Variants in UNC5C observed in about 807,000 individuals in gnomAD.
UNC5C encodes netrin receptor UNC5C.
A neutral mutation model predicts 99.8 loss-of-function variants in UNC5C; 47 were observed. The observed-to-expected ratio is 0.47, with a 90% confidence interval of 0.37 to 0.60. UNC5C has a LOEUF of 0.60. Ranked by LOEUF, UNC5C falls within the 20% of genes least tolerant of loss-of-function variation. The pLI, the probability that UNC5C is intolerant of heterozygous loss-of-function variation, is 0.00. For missense variants in UNC5C, 1,062 were observed against 1,165.9 expected (o/e 0.91, Z 1.30); for synonymous variants, 487 against 452.2 (o/e 1.08, Z -0.98).
chr4:95,186,908 C>T (rs572858179), intron 12 of UNC5C, among the ~76,000 whole-genome samples: 9 of 152,218 alleles, frequency 5.9e-5, no homozygotes, highest in African/African-American at 2.2e-4. Flanking sequence ...CAGCAGGCTC[C>T]GAGGGTCTCC....
intron 1 of UNC5C, among the ~76,000 whole-genome samples, chr4:95,453,884 A>G (rs143159924): frequency 6.0e-4 from 92 of 152,280 alleles, no homozygotes; most frequent in African/African-American, 1.9e-3. Context: ...AAAATGAGGC[A>G]TACAATCAAT....
chr4:95,425,829 T>A (rs1392488187), intron 1 of UNC5C, among the ~76,000 whole-genome samples: 1 of 152,258 alleles, frequency 6.6e-6, no homozygotes, highest in East Asian at 1.9e-4. Flanking sequence ...ATTGTGCACA[T>A]TTATTCATAC....
At chr4:95,529,357 T>A (rs975677796) in intron 1 of UNC5C, among the ~76,000 whole-genome samples, 1 of 147,892 alleles carries the variant, frequency 6.8e-6, no homozygotes, top group African/African-American at 2.5e-5. Flanking sequence ...TATATATATA[T>A]TATATATATA....
chr4:95,216,055 T>C, intron 10 of UNC5C, 69 bp downstream of exon 10: 1 of 1,332,398 alleles, frequency 7.5e-7, no homozygotes, highest in East Asian at 2.4e-5. Flanking sequence ...GGGTTTATTG[T>C]GTCTATTGTA....
chr4:95,245,255 C>A, intron 5 of UNC5C, 111 bp from the exon 6 acceptor site: 2 of 1,283,966 alleles, frequency 1.6e-6, no homozygotes, highest in South Asian at 1.7e-5. Flanking sequence ...TCCAAGCGAC[C>A]ATTATAAAAA....
At chr4:95,477,199 G>C (rs1720946722) in intron 1 of UNC5C, among the ~76,000 whole-genome samples, 1 of 151,988 alleles carries the variant, frequency 6.6e-6, no homozygotes, top group Non-Finnish European at 1.5e-5. Flanking sequence ...GTTCCCTCTT[G>C]AGGTCCTGTT....
rs1485324650 is a variant in UNC5C, at chr4:95,351,451, A to C, written c.125-15820T>G. On this transcript the variant is annotated intron_variant, in intron 1 of 15. Coordinates refer to ENST00000453304, the MANE Select transcript of UNC5C (RefSeq NM_003728.4). ...AACTTTGGAAGAAATCCTTGTACAA[A>C]ATAAAACAGAAATGTGCATATTTAA... Among the ~76,000 whole-genome samples, 8 of 152,084 alleles carry C rather than the reference A, an allele frequency of 5.3e-5. No individual in the cohort carries two copies. The East Asian group carries it at 1.5e-3, about 29-fold the overall frequency.
chr4:95,529,205 C>T (rs184377336), intron 1 of UNC5C, among the ~76,000 whole-genome samples: 43 of 150,434 alleles, frequency 2.9e-4, no homozygotes, highest in Non-Finnish European at 4.7e-4. Flanking sequence ...TTCATCTCAG[C>T]TGTACTGATT....
chr4:95,164,571 T>TA lies in UNC5C; in HGVS notation c.*4662dup, dbSNP rs1030424788. On this transcript the variant is annotated 3_prime_UTR_variant, in exon 16 of 16. Transcript: ENST00000453304. ...TTGGTCCTATGAGGCACTCGAGAGG[T>TA]AAAAAAATGTTTTGTTAACTTGAGA... The TA allele has an allele frequency of 2.0e-5, 3 of 152,146 alleles. No individual in the cohort carries two copies. Among genetic ancestry groups the TA allele is most frequent in the Non-Finnish European group, 4.4e-5 (3 of 68,024 alleles). The allele number at this position is 152,146 out of a possible 1,614,324, so 9.4% of individuals were successfully genotyped here.
chr4:95,443,414 A>G (rs918477411), intron 1 of UNC5C, among the ~76,000 whole-genome samples: 5 of 152,194 alleles, frequency 3.3e-5, no homozygotes, highest in African/African-American at 1.2e-4. Context: ...TATGTTAAAT[A>G]CTATTTCTTT....
Position 95,500,880 on chromosome 4 carries a change from G to A in UNC5C, c.124+47854C>T, listed in dbSNP as rs182308210. Among the ~76,000 whole-genome samples the A allele has an allele frequency of 1.2e-4, 18 of 152,174 alleles. No individual in the cohort carries two copies. In the East Asian group the frequency reaches 2.3e-3, roughly 20 times the overall value. ...TTGATTGGGTTTATGTACAAATACC[G>A]TATATTTTTTCCCTTGGGCATATCA... On this transcript the variant is annotated intron_variant, in intron 1 of 15. Transcript: ENST00000453304.
chr4:95,545,978 A>G (rs1246124356), intron 1 of UNC5C, among the ~76,000 whole-genome samples: 2 of 152,220 alleles, frequency 1.3e-5, no homozygotes, highest in East Asian at 1.9e-4. Context: ...CCTAAACCAC[A>G]GTTACAAAAC....
At chr4:95,420,984 TG>T (rs1216505896) in intron 1 of UNC5C, among the ~76,000 whole-genome samples, 2 of 152,158 alleles carry the variant, frequency 1.3e-5, no homozygotes, top group Non-Finnish European at 2.9e-5. Context: ...ATTTAAAATT[TG>T]GGACCTGTTC....
chr4:95,450,774 A>C (rs1426311597), intron 1 of UNC5C, among the ~76,000 whole-genome samples: 1 of 152,246 alleles, frequency 6.6e-6, no homozygotes, highest in East Asian at 1.9e-4. Context: ...TAAAATGTTT[A>C]CATAGATATC....
chr4:95,337,042 TC>T (rs1337275861), intron 1 of UNC5C, among the ~76,000 whole-genome samples: 1 of 151,944 alleles, frequency 6.6e-6, no homozygotes, highest in Admixed American at 6.6e-5. Flanking sequence ...TATTGACAAA[TC>T]CATCAGCATG....
intron 12 of UNC5C, among the ~76,000 whole-genome samples, chr4:95,202,175 T>C (rs761054281): frequency 6.6e-6 from 1 of 152,204 alleles, no homozygotes; most frequent in Non-Finnish European, 1.5e-5. Context: ...TTCCTCCTTC[T>C]ATATCATAAG....
intron 1 of UNC5C, among the ~76,000 whole-genome samples, chr4:95,374,375 A>G (rs980453623): frequency 1.6e-4 from 24 of 152,142 alleles, no homozygotes; most frequent in Non-Finnish European, 1.5e-5. Context: ...AAGTGCTTTG[A>G]GTGTCACGGG....
At chr4:95,203,729 G>T (rs745616600) in intron 11 of UNC5C, among the ~76,000 whole-genome samples, 9 of 152,158 alleles carry the variant, frequency 5.9e-5, no homozygotes, top group Non-Finnish European at 1.2e-4. Flanking sequence ...CTCCCAAAGC[G>T]CTGGGATTAC....
intron 1 of UNC5C, among the ~76,000 whole-genome samples, chr4:95,490,274 A>C (rs765842088): frequency 4.6e-5 from 7 of 151,706 alleles, no homozygotes; most frequent in Non-Finnish European, 1.0e-4. Flanking sequence ...TGAAAGAAAA[A>C]AAGGCATTAA....
Sources: gnomAD v4.1 joint callset for allele counts (sites outside exome capture counted in the v4.1 genomes callset) on GRCh38, gnomAD v4.1.1 for gene constraint, MANE v1.5 for transcripts, NCBI Gene and HGNC (gene_info 2026-07-23, HGNC 2026-07-21) for gene names.